Variants in ADAMTS6 observed in about 807,000 individuals in gnomAD.
ADAMTS6 encodes the protein ADAM metallopeptidase with thrombospondin type 1 motif 6.
In ADAMTS6, 23 loss-of-function variants were observed where a neutral mutation model predicts 144.3. That is an observed-to-expected ratio of 0.16 (90% confidence interval 0.11 to 0.23). The LOEUF (loss-of-function observed/expected upper bound fraction) is 0.23, where lower values mean the gene tolerates loss of function less well. ADAMTS6 is among the 10% of genes least tolerant of loss of function. ADAMTS6 has a pLI of 1.00. For synonymous variants in ADAMTS6, 444 were observed against 457.5 expected (o/e 0.97, Z 0.38); for missense variants, 999 against 1,379.6 (o/e 0.72, Z 4.37).
rs1579893916 is a variant in ADAMTS6, at chr5:65,151,600, T to G, written c.*236A>C. 1 of 444,528 alleles carries G rather than the reference T, an allele frequency of 2.2e-6. No homozygotes were observed. The highest frequency in any genetic ancestry group is 1.9e-5 in the African/African-American group (1 of 51,782). 27.5% of individuals were successfully genotyped at this position (444,528 alleles called of 1,614,324 possible). A position where few individuals can be genotyped will look rare whatever the true frequency, so the allele number is the denominator to read the frequency against. On this transcript the variant is annotated 3_prime_UTR_variant, in exon 25 of 25. Transcript: ENST00000381055. Reference sequence around the variant, plus strand: ...AGCAAGTCTCCCTGTGTTGTTTGGATCTCTCCAATCTGGCATTCCCTCCTA... The same window carrying G: ...AGCAAGTCTCCCTGTGTTGTTTGGAGCTCTCCAATCTGGCATTCCCTCCTA...
At chr5:65,182,430 C>G (rs1046122646) in intron 22 of ADAMTS6, among the ~76,000 whole-genome samples, 1 of 128,614 alleles carries the variant, frequency 7.8e-6, no homozygotes, top group Non-Finnish European at 1.6e-5. Context: ...GGTGACAGAG[C>G]GAGACTCCAT....
chr5:65,180,029 T>C (rs1208081950), intron 22 of ADAMTS6, among the ~76,000 whole-genome samples: 1 of 152,018 alleles, frequency 6.6e-6, no homozygotes, highest in Non-Finnish European at 1.5e-5. Flanking sequence ...TTGATAAATA[T>C]ATGCTCTTCT....
At chr5:65,225,169 T>C (rs1322338838) in intron 16 of ADAMTS6, 122 bp from the exon 17 acceptor site, 2 of 1,166,608 alleles carry the variant, frequency 1.7e-6, no homozygotes, top group African/African-American at 1.6e-5. Context: ...AATAAGGTAA[T>C]CCGTGAATAA....
At chr5:65,286,373 A>T (rs112979765) in intron 11 of ADAMTS6, among the ~76,000 whole-genome samples, 4,799 of 152,230 alleles carry the variant, frequency 0.032, 257 homozygotes, top group African/African-American at 0.11. Context: ...GTATTAGCTC[A>T]TGTGTTCCCA....
In ADAMTS6 at chr5:65,390,699, T is replaced by C. The variant is rs985996759; in HGVS notation, c.1074-56614A>G. ...ATTAGGATATTATCAATAAACTCACTGCTATTTTGTTTCATCTTTACTACA... is the reference window on the plus strand; with the variant it reads ...ATTAGGATATTATCAATAAACTCACCGCTATTTTGTTTCATCTTTACTACA... On this transcript the variant is annotated intron_variant, in intron 7 of 24. Transcript: ENST00000381055. Among the ~76,000 whole-genome samples, 6 of 152,226 alleles carry C rather than the reference T, an allele frequency of 3.9e-5. No homozygotes were observed. The East Asian group carries it at 1.2e-3, about 29-fold the overall frequency.
chr5:65,231,108 A>T (rs1345224754), intron 15 of ADAMTS6, among the ~76,000 whole-genome samples: 1 of 151,706 alleles, frequency 6.6e-6, no homozygotes, highest in Non-Finnish European at 1.5e-5. Flanking sequence ...TTTTAAAAAA[A>T]AACAAGACAA....
At position 65,459,703 on chromosome 5, in the gene ADAMTS6, C is replaced by T. The variant is rs1759502333; in HGVS notation, c.631+467G>A. Among the ~76,000 whole-genome samples the T allele has an allele frequency of 2.0e-5, 3 of 152,170 alleles. No homozygotes were observed. The South Asian group carries it at 6.2e-4, about 31-fold the overall frequency. ...TCTTCCATGAAGCTTTCCTTGACCA[C>T]TGAAGTCTAAGTTTGTTGCCCGTAC... On this transcript the variant is annotated intron_variant, in intron 4 of 24. Transcript: ENST00000381055.
intron 11 of ADAMTS6, among the ~76,000 whole-genome samples, chr5:65,277,641 T>G (rs142711252): frequency 2.5e-4 from 38 of 152,272 alleles, no homozygotes; most frequent in African/African-American, 9.1e-4. Context: ...TTTTTTACTT[T>G]ATTGGTGTTA....
chr5:65,366,254 A>G (rs1261163265), intron 7 of ADAMTS6, among the ~76,000 whole-genome samples: 1 of 152,202 alleles, frequency 6.6e-6, no homozygotes, highest in Non-Finnish European at 1.5e-5. Flanking sequence ...AGAGAATCCT[A>G]TATAAAATAT....
At chr5:65,384,555 T>C (rs1430718802) in intron 7 of ADAMTS6, among the ~76,000 whole-genome samples, 2 of 152,196 alleles carry the variant, frequency 1.3e-5, no homozygotes, top group African/African-American at 2.4e-5. Context: ...GGAGACCTCA[T>C]TAAGATGACC....
intron 12 of ADAMTS6, among the ~76,000 whole-genome samples, chr5:65,269,959 A>G (rs1761932602): frequency 6.6e-6 from 1 of 151,816 alleles, no homozygotes; most frequent in Non-Finnish European, 1.5e-5. Context: ...ATGCCCGGCT[A>G]ATTTTTGTAT....
chr5:65,300,189 C>T lies in ADAMTS6; in HGVS notation c.1224-58G>A, dbSNP rs1743220595. 5 of 1,522,814 alleles carry T rather than the reference C, an allele frequency of 3.3e-6. No individual in the cohort carries two copies. The Admixed American group carries it at 5.6e-5, about 17-fold the overall frequency. 94.3% of individuals were successfully genotyped at this position (1,522,814 alleles called of 1,614,324 possible). A position where few individuals can be genotyped will look rare whatever the true frequency, so the allele number is the denominator to read the frequency against. On this transcript the variant is annotated intron_variant, in intron 9 of 24. Transcript: ENST00000381055. ...AAATAAGAAAAAAACCCCAACACAT[C>T]CCTTATTTCCTTATTTGGCCATTTA...
chr5:65,458,902 T>C (rs1001458807), intron 4 of ADAMTS6, among the ~76,000 whole-genome samples: 2 of 152,186 alleles, frequency 1.3e-5, no homozygotes, highest in East Asian at 1.9e-4. Flanking sequence ...TACAATTTGA[T>C]TGGGTAACTA....
chr5:65,230,287 CAT>C (rs70983664), intron 15 of ADAMTS6, among the ~76,000 whole-genome samples: 41,001 of 64,894 alleles, frequency 0.63, 15,151 homozygotes, highest in Middle Eastern at 0.72. Context: ...ATACCTAAAG[CAT>C]ATATATATAT....
intron 8 of ADAMTS6, among the ~76,000 whole-genome samples, chr5:65,332,287 G>GTATATATATATATATA (rs367547551): frequency 8.5e-6 from 1 of 117,952 alleles, no homozygotes; most frequent in African/African-American, 3.2e-5. Flanking sequence ...GACAGTGAGG[G>GTATATATATATATATA]TATATATATA....
At chr5:65,260,008 C>T (rs1018585785) in intron 14 of ADAMTS6, among the ~76,000 whole-genome samples, 1 of 152,088 alleles carries the variant, frequency 6.6e-6, no homozygotes, top group African/African-American at 2.4e-5. Context: ...AAACAAAAGC[C>T]TACCCAGTTT....
chr5:65,217,935 A>G (rs1757048711), intron 18 of ADAMTS6, among the ~76,000 whole-genome samples: 1 of 152,098 alleles, frequency 6.6e-6, no homozygotes, highest in Non-Finnish European at 1.5e-5. Flanking sequence ...TCATGCATTG[A>G]CCAGAACTGT....
rs1162172098 is a variant in ADAMTS6 at position 65,230,316 on chromosome 5, TATATATAATACATTATATATATGAA to T, written c.1934-4122_1934-4098del. 4.1e-5 allele frequency among the ~76,000 whole-genome samples: 5 copies of T among 123,262 alleles called. 1 individual carries two copies. The highest frequency in any genetic ancestry group is 1.5e-4 in the African/African-American group (5 of 32,702). 80.9% of individuals were successfully genotyped at this position (123,262 alleles called of 152,430 possible). On this transcript the variant is annotated intron_variant, in intron 15 of 24. Transcript: ENST00000381055. ...TATATATATATATATATATATGAAATATATATAATACATTATATATATGAAATATATATAATACATTATATATGAA... is the reference window on the plus strand; with the variant it reads ...TATATATATATATATATATATGAAATATATATATAATACATTATATATGAA...
chr5:65,224,839 T>C, intron 17 of ADAMTS6, 85 bp downstream of exon 17: 1 of 1,445,558 alleles, frequency 6.9e-7, no homozygotes, highest in Admixed American at 2.6e-5. Flanking sequence ...TAAAGAAATC[T>C]GAAAAACAGG....
Sources: allele counts gnomAD v4.1 joint callset (sites outside exome capture counted in the v4.1 genomes callset), GRCh38; gene constraint gnomAD v4.1.1; transcripts MANE v1.5; gene names NCBI Gene and HGNC (gene_info 2026-07-23, HGNC 2026-07-21).